DLGAP1: variants seen among roughly 807,000 people sequenced by gnomAD.
DLGAP1 encodes disks large-associated protein 1.
In DLGAP1, 11 loss-of-function variants were observed where a neutral mutation model predicts 90.8. The ratio of observed to expected loss-of-function variants is 0.12; its 90% CI spans 0.08 to 0.20. The LOEUF (loss-of-function observed/expected upper bound fraction) is 0.20, where lower values mean the gene tolerates loss of function less well. DLGAP1 is among the 10% of genes least tolerant of loss of function. The pLI, the probability that DLGAP1 is intolerant of heterozygous loss-of-function variation, is 1.00. For synonymous variants in DLGAP1, 558 were observed against 540.7 expected, an observed-to-expected ratio of 1.03 and a Z score of -0.44; for missense variants, 1,050 against 1,333.8, an observed-to-expected ratio of 0.79 and a Z score of 3.31.
chr18:3,565,586 A>G lies in DLGAP1; in HGVS notation c.2057+1904T>C, dbSNP rs1297125942. On this transcript the variant is annotated intron_variant, in intron 9 of 12. Coordinates refer to ENST00000315677, the MANE Select transcript of DLGAP1 (RefSeq NM_004746.4). The surrounding 1 kb of genome is among the most constrained non-coding windows in gnomAD (Gnocchi z 4.0). The stretch of plus-strand genomic sequence containing the variant: ...CGCGGTGGCTCACGCCTGTAATCCC[A>G]GCACTTTGGGAAGCCAAGGCGGGTG... Among the ~76,000 whole-genome samples the G allele has an allele frequency of 6.6e-6, 1 of 152,140 alleles. No individual in the cohort carries two copies. Among genetic ancestry groups the G allele is most frequent in the East Asian group, 1.9e-4 (1 of 5,174 alleles).
At chr18:4,092,257 A>T (rs1441162323) in intron 2 of DLGAP1, among the ~76,000 whole-genome samples, 1 of 152,158 alleles carries the variant, frequency 6.6e-6, no homozygotes, top group African/African-American at 2.4e-5. Flanking sequence ...CTCCCCACTC[A>T]GAAGTAGAGT....
At chr18:4,381,200 T>C (rs1271548100) in intron 1 of DLGAP1, among the ~76,000 whole-genome samples, 1 of 152,206 alleles carries the variant, frequency 6.6e-6, no homozygotes, top group African/African-American at 2.4e-5. Flanking sequence ...AGTTTGACTT[T>C]GTATGGCCAT....
At chr18:4,289,352 T>C (rs929877860) in intron 1 of DLGAP1, among the ~76,000 whole-genome samples, 1 of 152,186 alleles carries the variant, frequency 6.6e-6, no homozygotes, top group Non-Finnish European at 1.5e-5. Flanking sequence ...GAAAAGCTTG[T>C]GTGGCCAGAG....
intron 1 of DLGAP1, among the ~76,000 whole-genome samples, chr18:4,326,694 A>G (rs2080825796): frequency 6.6e-6 from 1 of 152,066 alleles, no homozygotes; most frequent in Non-Finnish European, 1.5e-5. Flanking sequence ...CCTTTGCAGC[A>G]ACAAGGACGG....
chr18:4,268,198 G>C (rs1295835501), intron 1 of DLGAP1, among the ~76,000 whole-genome samples: 1 of 152,204 alleles, frequency 6.6e-6, no homozygotes, highest in Non-Finnish European at 1.5e-5. Flanking sequence ...CTTCATTAGA[G>C]ATGAGGGGAA....
rs537466885 is a variant in DLGAP1, at chr18:3,952,469, C to G, written c.-73+52647G>C. Reference sequence around the variant, plus strand: ...TAACCAGGTGCCTGAATGGAGATAACAGGGTGGCATCGGACCACGGCAAAG... The same window carrying G: ...TAACCAGGTGCCTGAATGGAGATAAGAGGGTGGCATCGGACCACGGCAAAG... On this transcript the variant is annotated intron_variant, in intron 3 of 12. Transcript: ENST00000315677. Among the ~76,000 whole-genome samples, 4 of 152,278 alleles carry G rather than the reference C, an allele frequency of 2.6e-5. No individual in the cohort carries two copies. The South Asian group carries it at 8.3e-4, about 32-fold the overall frequency.
chr18:4,129,417 T>C (rs76305999), intron 2 of DLGAP1, among the ~76,000 whole-genome samples: 4,275 of 152,216 alleles, frequency 0.028, 175 homozygotes, highest in African/African-American at 0.085. Flanking sequence ...TTAAAAATTG[T>C]ATTGGGCCAC....
chr18:4,295,302 A>C (rs890226318), intron 1 of DLGAP1: 1 of 152,154 alleles, frequency 6.6e-6, no homozygotes, highest in African/African-American at 2.4e-5. Flanking sequence ...AGTGCTCACC[A>C]CACCACATTG....
intron 7 of DLGAP1, among the ~76,000 whole-genome samples, chr18:3,651,165 C>A (rs968177462): frequency 3.3e-5 from 5 of 151,534 alleles, no homozygotes; most frequent in Non-Finnish European, 7.4e-5. Context: ...TCGAGACCAT[C>A]CTGGCCAACA....
At chr18:4,023,840 CTCTTT>C (rs2074654473) in intron 2 of DLGAP1, among the ~76,000 whole-genome samples, 1 of 151,096 alleles carries the variant, frequency 6.6e-6, no homozygotes, top group African/African-American at 2.4e-5. Context: ...AATCTGGTTT[CTCTTT>C]TCTTTTTATT....
chr18:3,829,954 CA>C (rs1396243148), intron 4 of DLGAP1, among the ~76,000 whole-genome samples: 2 of 152,118 alleles, frequency 1.3e-5, no homozygotes, highest in African/African-American at 4.8e-5. Flanking sequence ...AGGGCCGCTG[CA>C]GTGCTTATTG....
intron 7 of DLGAP1, among the ~76,000 whole-genome samples, chr18:3,659,443 C>CCA (rs1337585309): frequency 9.0e-6 from 1 of 111,526 alleles, no homozygotes; most frequent in African/African-American, 4.9e-5. Context: ...ACGGATGCTA[C>CCA]CACCCCCCGC....
At chr18:4,005,582 A>G (rs2149083994) in intron 2 of DLGAP1, among the ~76,000 whole-genome samples, 1 of 152,192 alleles carries the variant, frequency 6.6e-6, no homozygotes, top group African/African-American at 2.4e-5. Context: ...GGATGGAGAG[A>G]TAGGTTAGTG....
Position 3,820,519 on chromosome 18 carries a change from C to G in DLGAP1, c.958-6246G>C, listed in dbSNP as rs572742324. On this transcript the variant is annotated intron_variant, in intron 4 of 12. Transcript: ENST00000315677. ...ATAGGCTTCTATTTGCACAGTTACC[C>G]CTCAGCAGCTGTTGATTCCTTCCCA... Among the ~76,000 whole-genome samples, 240 of 152,258 alleles carry G rather than the reference C, an allele frequency of 1.6e-3. 1 individual carries two copies. The highest frequency in any genetic ancestry group is 5.6e-3 in the African/African-American group (234 of 41,546).
At chr18:3,771,830 C>T (rs535881440) in intron 5 of DLGAP1, among the ~76,000 whole-genome samples, 419 of 146,608 alleles carry the variant, frequency 2.9e-3, no homozygotes, top group Non-Finnish European at 5.0e-3. Flanking sequence ...ACTGCCTGCC[C>T]TAGCTCTGAA....
At chr18:4,125,027 A>G (rs2076211356) in intron 2 of DLGAP1, among the ~76,000 whole-genome samples, 1 of 152,170 alleles carries the variant, frequency 6.6e-6, no homozygotes. Flanking sequence ...CAGTATGACA[A>G]TGGCCAGCAA....
At chr18:3,651,423 A>G (rs11081059) in intron 7 of DLGAP1, among the ~76,000 whole-genome samples, 46,730 of 152,172 alleles carry the variant, frequency 0.31, 8,180 homozygotes, top group African/African-American at 0.49. Flanking sequence ...CTGGTGGTAA[A>G]TCCATCAGCA....
At chr18:4,006,547 GAGGGTTAATCATAGTT>G in intron 2 of DLGAP1, among the ~76,000 whole-genome samples, 1 of 152,256 alleles carries the variant, frequency 6.6e-6, no homozygotes, top group South Asian at 2.1e-4. Context: ...ACAGTTGGAG[GAGGGTTAATCATAGTT>G]ATCGCAAGCA....
intron 10 of DLGAP1, among the ~76,000 whole-genome samples, chr18:3,514,268 T>G (rs3930335): frequency 0.56 from 85,733 of 151,950 alleles, 26,683 homozygotes; most frequent in East Asian, 0.76. Flanking sequence ...CACTGTGCCC[T>G]GCCTCTCTGA....
Sources: allele counts gnomAD v4.1 joint callset (sites outside exome capture counted in the v4.1 genomes callset), GRCh38; gene constraint gnomAD v4.1.1; non-coding constraint Gnocchi (gnomAD v3.1); transcripts MANE v1.5; gene names NCBI Gene and HGNC (gene_info 2026-07-23, HGNC 2026-07-21).